LGALS3BP: variants seen among roughly 807,000 people sequenced by gnomAD.
LGALS3BP encodes galectin 3 binding protein.
Under a neutral mutation model 22.9 loss-of-function variants are expected in LGALS3BP, and 25 were observed. The observed-to-expected ratio is 1.09, with a 90% confidence interval of 0.80 to 1.53. The LOEUF (loss-of-function observed/expected upper bound fraction) is 1.53. Ranked by LOEUF, LGALS3BP falls within the 40% of genes most tolerant of loss-of-function variation. LGALS3BP has a pLI of 0.00. For synonymous variants in LGALS3BP, 335 were observed against 331.1 expected (o/e 1.01, Z -0.13); for missense variants, 718 against 752.0 (o/e 0.95, Z 0.53).
chr17:78,974,892 CT>C, intron 3 of LGALS3BP, 73 bp from the exon 4 acceptor site: 2 of 1,572,726 alleles, frequency 1.3e-6, no homozygotes, highest in South Asian at 1.1e-5. Flanking sequence ...CGACTCAGCC[CT>C]TTGTTCTCCG....
In LGALS3BP at chr17:78,973,264, G is replaced by C; in HGVS notation, c.377-42C>G. On this transcript the variant is annotated intron_variant, in intron 4 of 5. Coordinates refer to ENST00000262776, the MANE Select transcript of LGALS3BP (RefSeq NM_005567.4). The surrounding 1 kb of genome is among the most constrained non-coding windows in gnomAD (Gnocchi z 5.8). ...GGGAAGTGGGCTGCGTTAGGAGCCG[G>C]GGCACTGCCACTCTCTGGGGTCAGT... is the stretch of plus-strand genomic sequence containing the variant. The C allele has an allele frequency of 1.4e-6, 2 of 1,461,900 alleles. No homozygotes were observed. Among genetic ancestry groups the C allele is most frequent in the Non-Finnish European group, 9.0e-7 (1 of 1,107,984 alleles). The allele number at this position is 1,461,900 out of a possible 1,614,324, so 90.6% of individuals were successfully genotyped here.
At position 78,973,279 on chromosome 17, in the gene LGALS3BP, C is replaced by T; in HGVS notation, c.377-57G>A. 1 of 1,446,082 alleles carries T rather than the reference C, an allele frequency of 6.9e-7. No homozygotes were observed. The highest frequency in any genetic ancestry group is 9.1e-7 in the Non-Finnish European group (1 of 1,100,330). The allele number at this position is 1,446,082 out of a possible 1,614,324, so 89.6% of individuals were successfully genotyped here. ...TTAGGAGCCGGGGCACTGCCACTCT[C>T]TGGGGTCAGTGTCTTCATCTGAAAG... On this transcript the variant is annotated intron_variant, in intron 4 of 5. Coordinates refer to ENST00000262776, the MANE Select transcript of LGALS3BP (RefSeq NM_005567.4). The surrounding 1 kb of genome is among the most constrained non-coding windows in gnomAD (Gnocchi z 5.8).
chr17:78,972,795 A>G lies in LGALS3BP; in HGVS notation c.630-91T>C. The G allele has an allele frequency of 1.4e-6, 2 of 1,469,946 alleles. No individual in the cohort carries two copies. Among genetic ancestry groups the G allele is most frequent in the Non-Finnish European group, 1.8e-6 (2 of 1,100,052 alleles). 91.1% of individuals were successfully genotyped at this position (1,469,946 alleles called of 1,614,324 possible). Reference sequence around the variant, plus strand: ...GTCCAACACAGCCACCTGAGTGCACACAGTGTGGGAGTGAGCATGCGTGTG... The same window carrying G: ...GTCCAACACAGCCACCTGAGTGCACGCAGTGTGGGAGTGAGCATGCGTGTG... On this transcript the variant is annotated intron_variant, in intron 5 of 5. Transcript: ENST00000262776. This position sits in a 1 kb window ranked among gnomAD's most constrained non-coding sequence, Gnocchi z 5.1.
chr17:78,972,769 T>G lies in LGALS3BP; in HGVS notation c.630-65A>C. Reference sequence around the variant, plus strand: ...ACAGCAGGGGAGCCCTGGGCCCAACTGTCCAACACAGCCACCTGAGTGCAC... The same window carrying G: ...ACAGCAGGGGAGCCCTGGGCCCAACGGTCCAACACAGCCACCTGAGTGCAC... On this transcript the variant is annotated intron_variant, in intron 5 of 5. Coordinates refer to ENST00000262776, the MANE Select transcript of LGALS3BP (RefSeq NM_005567.4). This position sits in a 1 kb window ranked among gnomAD's most constrained non-coding sequence, Gnocchi z 5.1. 6.7e-7 allele frequency: 1 copy of G among 1,495,568 alleles called. No homozygotes were observed. The highest frequency in any genetic ancestry group is 8.9e-7 in the Non-Finnish European group (1 of 1,119,956). The allele number at this position is 1,495,568 out of a possible 1,614,324, so 92.6% of individuals were successfully genotyped here.
intron 1 of LGALS3BP, among the ~76,000 whole-genome samples, chr17:78,977,757 C>T (rs545538399): frequency 4.4e-4 from 67 of 152,192 alleles, no homozygotes; most frequent in African/African-American, 1.5e-3. Context: ...GCACAGAATC[C>T]GGGCGAGGGG....
In LGALS3BP at chr17:78,971,764, T is replaced by C. The variant is rs567740848; in HGVS notation, c.1570A>G (p.Met524Val). ...GCCACGAAGAGCCCTTCGCAGAGCATCAGGGCTTTGTTTTCGTAGGCAATG... is the reference window on the plus strand; with the variant it reads ...GCCACGAAGAGCCCTTCGCAGAGCACCAGGGCTTTGTTTTCGTAGGCAATG... ...RTIAYENKAL[M>V]LCEGLFVADV... Residue 524 changes from methionine to valine, a missense_variant, in exon 6 of 6, where the codon ATG (methionine) becomes GTG (valine). Physicochemically the swap from Met to Val is conservative, Grantham distance 21. Transcript: ENST00000262776. The surrounding 1 kb of genome is among the most constrained non-coding windows in gnomAD (Gnocchi z 5.6). 1.2e-6 allele frequency: 2 copies of C among 1,614,056 alleles called. No homozygotes were observed. The highest frequency in any genetic ancestry group is 2.2e-5 in the East Asian group (1 of 44,866).
intron 3 of LGALS3BP, chr17:78,975,028 C>A: frequency 1.6e-6 from 1 of 615,024 alleles, no homozygotes; most frequent in South Asian, 2.1e-5. Flanking sequence ...GCTTATAAAG[C>A]TTACCGGCTG....
chr17:78,979,712 C>T (rs557433945), intron 1 of LGALS3BP, 112 bp downstream of exon 1: 73 of 152,370 alleles, frequency 4.8e-4, no homozygotes, highest in African/African-American at 1.7e-3. Flanking sequence ...CATTGCATCA[C>T]TGTACTCCAG....
Position 78,972,269 on chromosome 17 carries a change from C to G in LGALS3BP, c.1065G>C (p.Glu355Asp), listed in dbSNP as rs1371698073. The G allele has an allele frequency of 1.2e-6, 2 of 1,613,544 alleles. No homozygotes were observed. Among genetic ancestry groups the G allele is most frequent in the Non-Finnish European group, 1.7e-6 (2 of 1,179,962 alleles). ...KIRFPMMLPEELFELQFNLSL... is the reference protein window; with the variant it reads ...KIRFPMMLPEDLFELQFNLSL... The stretch of plus-strand genomic sequence containing the variant: ...ACAGGTTGAACTGCAGCTCAAAGAG[C>G]TCCTCAGGGAGCATCATGGGGAAGC... Residue 355 changes from glutamate (E) to aspartate (D), a missense_variant, in exon 6 of 6, where the codon GAG becomes GAC. Transcript: ENST00000262776. The surrounding 1 kb of genome is among the most constrained non-coding windows in gnomAD (Gnocchi z 5.1).
chr17:78,971,938 G>A lies in LGALS3BP; in HGVS notation c.1396C>T (p.His466Tyr). The change falls in exon 6 of 6, where the codon CAC becomes TAC. Residue 466 changes from histidine (H) to tyrosine (Y), a missense_variant. His to Tyr is a moderately conservative substitution (Grantham distance 83, BLOSUM62 2). Coordinates refer to ENST00000262776, the MANE Select transcript of LGALS3BP (RefSeq NM_005567.4). This position sits in a 1 kb window ranked among gnomAD's most constrained non-coding sequence, Gnocchi z 5.6. Reference protein sequence around the residue: ...YPYQSFQTPQHPSFLFQDKRV... With the variant: ...YPYQSFQTPQYPSFLFQDKRV... ...TTGTCCTGGAAGAGGAAGCTGGGGTGTTGTGGAGTCTGGAAGGACTGGTAG... is the reference window on the plus strand; with the variant it reads ...TTGTCCTGGAAGAGGAAGCTGGGGTATTGTGGAGTCTGGAAGGACTGGTAG... The A allele has an allele frequency of 6.2e-7, 1 of 1,614,170 alleles. No individual in the cohort carries two copies. The highest frequency in any genetic ancestry group is 8.5e-7 in the Non-Finnish European group (1 of 1,180,034).
rs780089907 is a variant in LGALS3BP, at chr17:78,971,976, T to TA, written c.1357dup (p.Tyr453LeufsTer142). ...GAAGGACTGGTAGGGGTAGTATCTG[T>TA]AGTCAGAGGGGGCTTGGAAGTAATC... On this transcript the variant is annotated frameshift_variant, in exon 6 of 6. Coordinates refer to ENST00000262776, the MANE Select transcript of LGALS3BP (RefSeq NM_005567.4). LOFTEE classifies it low-confidence loss of function (END_TRUNC). The surrounding 1 kb of genome is among the most constrained non-coding windows in gnomAD (Gnocchi z 5.6). The TA allele has an allele frequency of 1.2e-6, 2 of 1,613,960 alleles. No individual in the cohort carries two copies. Among genetic ancestry groups the TA allele is most frequent in the Admixed American group, 3.3e-5 (2 of 59,998 alleles).
At position 78,971,947 on chromosome 17, in the gene LGALS3BP, T is replaced by C. The variant is rs2070675086; in HGVS notation, c.1387A>G (p.Thr463Ala). Residue 463 changes from threonine (T) to alanine (A), a missense_variant, in exon 6 of 6, where the codon ACT becomes GCT. By Grantham distance (58) the Thr-to-Ala change is moderately conservative. Coordinates refer to ENST00000262776, the MANE Select transcript of LGALS3BP (RefSeq NM_005567.4). The surrounding 1 kb of genome is among the most constrained non-coding windows in gnomAD (Gnocchi z 5.6). ...YRYYPYQSFQ[T>A]PQHPSFLFQD... is the part of the protein sequence containing the mutation. Reference sequence around the variant, plus strand: ...AAGAGGAAGCTGGGGTGTTGTGGAGTCTGGAAGGACTGGTAGGGGTAGTAT... The same window carrying C: ...AAGAGGAAGCTGGGGTGTTGTGGAGCCTGGAAGGACTGGTAGGGGTAGTAT... 1 of 1,613,772 alleles carries C rather than the reference T, an allele frequency of 6.2e-7. No individual in the cohort carries two copies. Among genetic ancestry groups the C allele is most frequent in the Non-Finnish European group, 8.5e-7 (1 of 1,179,922 alleles).
rs1216572816 is a variant in LGALS3BP, at chr17:78,976,111, T to C, written c.98A>G (p.Asn33Ser). The change falls in exon 3 of 6, where the codon AAC becomes AGC. Residue 33 changes from asparagine to serine, a missense_variant. Asn to Ser is a conservative substitution (Grantham distance 46). Transcript: ENST00000262776. This position sits in a 1 kb window ranked among gnomAD's most constrained non-coding sequence, Gnocchi z 4.6. ...DMRLADGGATNQGRVEIFYRG... is the reference protein window; with the variant it reads ...DMRLADGGATSQGRVEIFYRG... ...GTAGAAGATCTCCACGCGGCCCTGGTTGGTGGCGCCCCCATCGGCCAGCCG... is the reference window on the plus strand; with the variant it reads ...GTAGAAGATCTCCACGCGGCCCTGGCTGGTGGCGCCCCCATCGGCCAGCCG... 6.2e-7 allele frequency: 1 copy of C among 1,600,720 alleles called. No homozygotes were observed. Among genetic ancestry groups the C allele is most frequent in the Non-Finnish European group, 8.5e-7 (1 of 1,174,480 alleles).
Position 78,973,388 on chromosome 17 carries a change from G to T in LGALS3BP, c.377-166C>A. ...GAGAGACCGGAAGTGTCGGATTCCTGGACCCTGAGGCCCCGCCCCTTCCAG... is the reference window on the plus strand; with the variant it reads ...GAGAGACCGGAAGTGTCGGATTCCTTGACCCTGAGGCCCCGCCCCTTCCAG... On this transcript the variant is annotated intron_variant, in intron 4 of 5. Transcript: ENST00000262776. This position sits in a 1 kb window ranked among gnomAD's most constrained non-coding sequence, Gnocchi z 5.8. 3.6e-6 allele frequency: 3 copies of T among 825,958 alleles called. No homozygotes were observed. Among genetic ancestry groups the T allele is most frequent in the Non-Finnish European group, 5.5e-6 (3 of 549,728 alleles). 51.2% of individuals were successfully genotyped at this position (825,958 alleles called of 1,614,324 possible).
chr17:78,978,915 A>G (rs550387643), intron 1 of LGALS3BP, among the ~76,000 whole-genome samples: 3 of 152,022 alleles, frequency 2.0e-5, no homozygotes, highest in South Asian at 4.2e-4. Flanking sequence ...AATACAAAAT[A>G]ATAATAATAA....
At position 78,975,936 on chromosome 17, in the gene LGALS3BP, C is replaced by T. The variant is rs762997226; in HGVS notation, c.244+29G>A. On this transcript the variant is annotated intron_variant, in intron 3 of 5. Coordinates refer to ENST00000262776, the MANE Select transcript of LGALS3BP (RefSeq NM_005567.4). Reference sequence around the variant, plus strand: ...GAGCTGGCTGTGCTGTGGGTCTCAGCCTCAGTGGAAGGGGACAGCAGGCCC... The same window carrying T: ...GAGCTGGCTGTGCTGTGGGTCTCAGTCTCAGTGGAAGGGGACAGCAGGCCC... 5.1e-6 allele frequency: 8 copies of T among 1,558,416 alleles called. No individual in the cohort carries two copies. In the South Asian group the frequency reaches 6.0e-5, roughly 12 times the overall value.
intron 1 of LGALS3BP, 46 bp from the exon 2 acceptor site, chr17:78,977,260 C>T: frequency 4.0e-6 from 6 of 1,518,082 alleles, no homozygotes; most frequent in Non-Finnish European, 5.4e-6. Context: ...AGCCAGATGG[C>T]CCGAGGCCCC....
In LGALS3BP at chr17:78,972,812, A is replaced by ATGCGTGTGTGTGCAAC; in HGVS notation, c.630-124_630-109dup. The ATGCGTGTGTGTGCAAC allele has an allele frequency of 6.9e-7, 1 of 1,444,950 alleles. No individual in the cohort carries two copies. The highest frequency in any genetic ancestry group is 9.3e-7 in the Non-Finnish European group (1 of 1,077,044). The allele number at this position is 1,444,950 out of a possible 1,614,324, so 89.5% of individuals were successfully genotyped here. A position where few individuals can be genotyped will look rare whatever the true frequency, so the allele number is the denominator to read the frequency against. ...GAGTGCACACAGTGTGGGAGTGAGC[A>ATGCGTGTGTGTGCAAC]TGCGTGTGTGTGCAACTGCGTGAGT... is the stretch of plus-strand genomic sequence containing the variant. On this transcript the variant is annotated intron_variant, in intron 5 of 5. Coordinates refer to ENST00000262776, the MANE Select transcript of LGALS3BP (RefSeq NM_005567.4). The surrounding 1 kb of genome is among the most constrained non-coding windows in gnomAD (Gnocchi z 5.1).
rs115624455 is a variant in LGALS3BP at position 78,978,371 on chromosome 17, C to T, written c.-23-1157G>A. Among the ~76,000 whole-genome samples, 918 of 152,324 alleles carry T rather than the reference C, an allele frequency of 6.0e-3. 8 individuals are homozygous for T. The highest frequency in any genetic ancestry group is 0.027 in the Middle Eastern group (8 of 294). ...CTGGCACTGTGCAGCCACCCCTTGT[C>T]GGGGCTCCCCGGGCACCACTGGAGG... On this transcript the variant is annotated intron_variant, in intron 1 of 5. Coordinates refer to ENST00000262776, the MANE Select transcript of LGALS3BP (RefSeq NM_005567.4).
Sources: gnomAD v4.1 joint callset for allele counts (sites outside exome capture counted in the v4.1 genomes callset) on GRCh38, gnomAD v4.1.1 for gene constraint, Gnocchi (gnomAD v3.1) non-coding constraint, MANE v1.5 for transcripts, NCBI Gene and HGNC (gene_info 2026-07-23, HGNC 2026-07-21) for gene names.